Variants in WNK2 observed in about 807,000 individuals in gnomAD.
WNK2 encodes serine/threonine-protein kinase WNK2.
A neutral mutation model predicts 192.1 loss-of-function variants in WNK2; 67 were observed. The observed-to-expected ratio is 0.35, with a 90% confidence interval of 0.29 to 0.43. The LOEUF is 0.43. WNK2 is among the 20% of genes least tolerant of loss of function. WNK2 has a pLI of 1.00. For synonymous variants in WNK2, 1,439 were observed against 1,393.9 expected (o/e 1.03, Z -0.72); for missense variants, 2,698 against 3,089.7 (o/e 0.87, Z 3.01).
At chr9:93,240,574 G>A (rs185588171) in intron 7 of WNK2, among the ~76,000 whole-genome samples, 270 of 152,284 alleles carry the variant, frequency 1.8e-3, no homozygotes, top group Middle Eastern at 3.4e-3. Flanking sequence ...CCTCATTGGA[G>A]GGGGCGCTGA....
intron 24 of WNK2, 134 bp from the exon 25 acceptor site, chr9:93,298,936 T>C (rs899054262): frequency 4.2e-5 from 37 of 886,546 alleles, no homozygotes; most frequent in Admixed American, 5.7e-5. Flanking sequence ...GATGTGGCCA[T>C]GTGCCTGTGG....
At chr9:93,230,491 C>T (rs1838584402) in intron 3 of WNK2, among the ~76,000 whole-genome samples, 1 of 152,186 alleles carries the variant, frequency 6.6e-6, no homozygotes, top group African/African-American at 2.4e-5. Context: ...CCCAGCTGGC[C>T]CCTGTGGTTC....
chr9:93,295,912 C>A (rs913133088), intron 23 of WNK2, among the ~76,000 whole-genome samples: 2 of 141,198 alleles, frequency 1.4e-5, no homozygotes, highest in Non-Finnish European at 3.1e-5. Flanking sequence ...CTCTCTCCAA[C>A]CTCCCCTCAC....
At position 93,289,204 on chromosome 9, in the gene WNK2, C is replaced by A; in HGVS notation, c.4450C>A (p.Pro1484Thr). The change falls in exon 20 of 30, where the codon CCC becomes ACC. Residue 1484 changes from proline (P) to threonine (T), a missense_variant. Around this residue, in one of 7 missense-constraint regions of WNK2, gnomAD observed 1,098 missense variants for 1,101.0 expected, o/e 1.00. Transcript: ENST00000427277. ...GCCACCTCCTGCACCTGAGCCCAGC[C>A]CCCACAGCGGGACCCCACAGCCCGC... Reference protein sequence around the residue: ...PLPPPAPEPSPHSGTPQPALG... With the variant: ...PLPPPAPEPSTHSGTPQPALG... 1 of 1,603,466 alleles carries A rather than the reference C, an allele frequency of 6.2e-7. No individual in the cohort carries two copies. The highest frequency in any genetic ancestry group is 1.1e-5 in the South Asian group (1 of 90,524).
At chr9:93,202,167 T>C (rs1355125121) in intron 2 of WNK2, among the ~76,000 whole-genome samples, 1 of 152,180 alleles carries the variant, frequency 6.6e-6, no homozygotes, top group Non-Finnish European at 1.5e-5. Flanking sequence ...AAGATGGCTC[T>C]GTGTCCAGAC....
At chr9:93,316,895 A>G (rs569389992) in intron 28 of WNK2, 17 of 153,412 alleles carry the variant, frequency 1.1e-4, no homozygotes, top group Admixed American at 2.6e-4. Flanking sequence ...GCCGAGCTTG[A>G]TTTCCAGGAA....
chr9:93,292,808 C>T lies in WNK2; in HGVS notation c.5343C>T (p.Ser1781=), dbSNP rs1455292611. The T allele has an allele frequency of 6.5e-7, 1 of 1,537,614 alleles. No individual in the cohort carries two copies. The highest frequency in any genetic ancestry group is 2.0e-5 in the Admixed American group (1 of 49,116). ...TCTACCTGGACGAGGCCCCCTCCAG[C>T]CCCGACGTGAAGCTGGCAGTGCGGC... is the stretch of plus-strand genomic sequence containing the variant. ...PDVYLDEAPS[S]PDVKLAVRRA... Residue 1781 remains serine, a synonymous_variant, in exon 23 of 30, where the codon AGC becomes AGT. Transcript: ENST00000427277.
At chr9:93,219,990 C>T (rs865931734) in intron 2 of WNK2, among the ~76,000 whole-genome samples, 52 of 152,322 alleles carry the variant, frequency 3.4e-4, no homozygotes, top group Middle Eastern at 6.8e-3. Flanking sequence ...GCCTGGGGAC[C>T]AAAGGGGATC....
chr9:93,234,185 A>G (rs1839410325), intron 4 of WNK2, among the ~76,000 whole-genome samples: 1 of 152,212 alleles, frequency 6.6e-6, no homozygotes, highest in African/African-American at 2.4e-5. Context: ...TCTTGTGTTT[A>G]GGAGCCACAT....
At position 93,248,304 on chromosome 9, in the gene WNK2, C is replaced by T. The variant is rs368194387; in HGVS notation, c.1834+470C>T. 5.1e-4 allele frequency among the ~76,000 whole-genome samples: 78 copies of T among 152,366 alleles called. No individual in the cohort carries two copies. In the South Asian group the frequency reaches 0.01, roughly 20 times the overall value. On this transcript the variant is annotated intron_variant, in intron 8 of 29. Coordinates refer to ENST00000427277, the MANE Select transcript of WNK2 (RefSeq NM_006648.4). ...GGATTGGGGCTTTCTCAGCATTTCCCGGTGATCTGTAACCAGGAGATTAAG... is the reference window on the plus strand; with the variant it reads ...GGATTGGGGCTTTCTCAGCATTTCCTGGTGATCTGTAACCAGGAGATTAAG...
At chr9:93,213,313 A>G (rs1474324069) in intron 2 of WNK2, among the ~76,000 whole-genome samples, 1 of 151,930 alleles carries the variant, frequency 6.6e-6, no homozygotes, top group Non-Finnish European at 1.5e-5. Context: ...ATTTTATTTC[A>G]CTTTACTTCA....
At chr9:93,284,597 G>A (rs1282419961) in intron 19 of WNK2, among the ~76,000 whole-genome samples, 7 of 151,842 alleles carry the variant, frequency 4.6e-5, no homozygotes, top group African/African-American at 1.7e-4. Context: ...ATATTGCAGG[G>A]GAGCGGGGGG....
rs192298839 is a variant in WNK2 at position 93,308,617 on chromosome 9, G to A, written c.6516+33G>A. 297 of 1,518,126 alleles carry A rather than the reference G, an allele frequency of 2.0e-4. 2 individuals carry two copies. In the East Asian group the frequency reaches 5.5e-3, roughly 28 times the overall value. 94.0% of individuals were successfully genotyped at this position (1,518,126 alleles called of 1,614,324 possible). Reference sequence around the variant, plus strand: ...CGGGGCGGGTGGGGCGGGTGCTCCTGGGGTGGGGTAGCCTTGCCTCCAGCA... The same window carrying A: ...CGGGGCGGGTGGGGCGGGTGCTCCTAGGGTGGGGTAGCCTTGCCTCCAGCA... On this transcript the variant is annotated intron_variant, in intron 28 of 29. Coordinates refer to ENST00000427277, the MANE Select transcript of WNK2 (RefSeq NM_006648.4).
intron 7 of WNK2, among the ~76,000 whole-genome samples, chr9:93,246,748 C>T (rs1320911874): frequency 6.6e-6 from 1 of 152,228 alleles, no homozygotes; most frequent in African/African-American, 2.4e-5. Context: ...ACTGCAGAGG[C>T]CTGGCTGGTC....
chr9:93,293,915 G>C (rs912511643), intron 23 of WNK2, among the ~76,000 whole-genome samples: 3 of 150,928 alleles, frequency 2.0e-5, no homozygotes, highest in Non-Finnish European at 2.9e-5. Flanking sequence ...CTTCCTATCT[G>C]TCTCTCCTTT....
chr9:93,238,351 G>T, intron 6 of WNK2, 30 bp downstream of exon 6: 2 of 1,591,900 alleles, frequency 1.3e-6, no homozygotes, highest in Non-Finnish European at 1.7e-6. Flanking sequence ...TGGGTTCTGG[G>T]GTCCATCTCC....
At position 93,262,065 on chromosome 9, in the gene WNK2, C is replaced by T; in HGVS notation, c.3318C>T (p.Ser1106=). 6.2e-7 allele frequency: 1 copy of T among 1,608,972 alleles called. No individual in the cohort carries two copies. The part of the protein sequence containing the change: ...PPLPGGPGIA[S]PCPTVQLTVE... ...TGCCTGGCGGGCCCGGGATCGCCAGCCCTTGCCCAACTGTCCAGCTGACGG... is the reference window on the plus strand; with the variant it reads ...TGCCTGGCGGGCCCGGGATCGCCAGTCCTTGCCCAACTGTCCAGCTGACGG... Residue 1106 remains serine, a synonymous_variant, in exon 13 of 30, where the codon AGC becomes AGT. Coordinates refer to ENST00000427277, the MANE Select transcript of WNK2 (RefSeq NM_006648.4).
chr9:93,258,946 G>T lies in WNK2; in HGVS notation c.2398G>T (p.Val800Phe). 1 of 1,612,234 alleles carries T rather than the reference G, an allele frequency of 6.2e-7. No individual in the cohort carries two copies. Among genetic ancestry groups the T allele is most frequent in the East Asian group, 2.2e-5 (1 of 44,856 alleles). ...QVPPQMPPIP[V>F]VPPITPLAGI... The stretch of plus-strand genomic sequence containing the variant: ...TCTCTTTCAGATGCCCCCGATTCCT[G>T]TTGTGCCCCCCATCACGCCCCTGGC... The change falls in exon 12 of 30, where the codon GTT becomes TTT. Residue 800 changes from valine (V) to phenylalanine (F), a missense_variant. Coordinates refer to ENST00000427277, the MANE Select transcript of WNK2 (RefSeq NM_006648.4).
Position 93,289,110 on chromosome 9 carries a change from C to T in WNK2, c.4356C>T (p.Gly1452=), listed in dbSNP as rs1268649426. 6.2e-7 allele frequency: 1 copy of T among 1,607,162 alleles called. No individual in the cohort carries two copies. The highest frequency in any genetic ancestry group is 8.5e-7 in the Non-Finnish European group (1 of 1,176,866). The part of the protein sequence containing the change: ...APLAVQPLVV[G]LAPCTPAPEA... ...TTGCTGTGCAGCCCCTCGTGGTGGG[C>T]CTAGCACCTTGCACTCCAGCTCCAG... The change falls in exon 20 of 30, where the codon GGC becomes GGT. Residue 1452 remains glycine (G), a synonymous_variant. Coordinates refer to ENST00000427277, the MANE Select transcript of WNK2 (RefSeq NM_006648.4).
Sources: gnomAD v4.1 joint callset for allele counts (sites outside exome capture counted in the v4.1 genomes callset) on GRCh38, gnomAD v4.1.1 for gene constraint, gnomAD v4.1.1 regional missense constraint, MANE v1.5 for transcripts, NCBI Gene and HGNC (gene_info 2026-07-23, HGNC 2026-07-21) for gene names.